Variants in PPM1B observed in about 807,000 individuals in gnomAD.
PPM1B encodes protein phosphatase 1B.
PPM1B carries 22 observed loss-of-function variants against 43.0 expected under a neutral mutation model. The observed-to-expected ratio is 0.51, with a 90% CI of 0.37 to 0.73. The LOEUF (loss-of-function observed/expected upper bound fraction) is 0.73. Ranked by LOEUF, PPM1B falls within the 30% of genes least tolerant of loss-of-function variation. The probability of loss-of-function intolerance (pLI) is 0.00; values close to 1 mark genes in which losing one functional copy is unlikely to be tolerated. For synonymous variants in PPM1B, 217 were observed against 197.9 expected (o/e 1.10, Z -0.81); for missense variants, 632 against 584.2 (o/e 1.08, Z -0.84).
chr2:44,203,063 G>GTATGGGCATAACCAGAAAGT (rs1669013541), intron 2 of PPM1B, among the ~76,000 whole-genome samples: 1 of 152,182 alleles, frequency 6.6e-6, no homozygotes, highest in Admixed American at 6.5e-5. Context: ...ACTGTGGAAG[G>GTATGGGCATAACCAGAAAGT]TATGGGCATA....
chr2:44,240,913 A>C (rs1182532566), intron 5 of PPM1B, among the ~76,000 whole-genome samples: 1 of 146,428 alleles, frequency 6.8e-6, no homozygotes, highest in African/African-American at 2.4e-5. Flanking sequence ...GCAAGTTATA[A>C]GGGGATGTCT....
chr2:44,205,155 GTGAACAA>G (rs568592228), intron 2 of PPM1B, among the ~76,000 whole-genome samples: 90 of 152,214 alleles, frequency 5.9e-4, no homozygotes, highest in South Asian at 5.2e-3. Flanking sequence ...ACTTTCTGAG[GTGAACAA>G]AATAAAAAGT....
intron 3 of PPM1B, among the ~76,000 whole-genome samples, chr2:44,209,777 C>CA (rs533636045): frequency 0.041 from 3,933 of 96,152 alleles, 161 homozygotes; most frequent in African/African-American, 0.11. Context: ...ACTCCGTCTC[C>CA]AAAAAAAAAA....
chr2:44,224,455 C>CA lies in PPM1B; in HGVS notation c.1134+5938dup, dbSNP rs75767532. 3.5e-3 allele frequency among the ~76,000 whole-genome samples: 300 copies of CA among 84,618 alleles called. 2 individuals carry two copies. Among genetic ancestry groups the CA allele is most frequent in the East Asian group, 0.012 (40 of 3,256 alleles). 55.5% of individuals were successfully genotyped at this position (84,618 alleles called of 152,430 possible). A position where few individuals can be genotyped will look rare whatever the true frequency, so the allele number is the denominator to read the frequency against. ...GGGTGACAGAGCAAGACTCCGTCTC[C>CA]AAAAAAAAAAAAAAAAAAAAGAATT... On this transcript the variant is annotated intron_variant, in intron 5 of 5. Coordinates refer to ENST00000282412, the MANE Select transcript of PPM1B (RefSeq NM_002706.6).
chr2:44,203,528 A>G (rs557919384), intron 2 of PPM1B, among the ~76,000 whole-genome samples: 29 of 152,276 alleles, frequency 1.9e-4, no homozygotes, highest in East Asian at 1.5e-3. Flanking sequence ...TGAAGAAAAT[A>G]TAGAGAAACA....
At chr2:44,203,357 T>A (rs1669026083) in intron 2 of PPM1B, among the ~76,000 whole-genome samples, 1 of 152,132 alleles carries the variant, frequency 6.6e-6, no homozygotes, top group Non-Finnish European at 1.5e-5. Flanking sequence ...GGTCTAAAAT[T>A]ATGTATTTGT....
At chr2:44,223,404 A>G (rs917055924) in intron 5 of PPM1B, among the ~76,000 whole-genome samples, 1 of 152,182 alleles carries the variant, frequency 6.6e-6, no homozygotes, top group East Asian at 1.9e-4. Context: ...CAATACCCAT[A>G]GCTGCTTTTA....
At chr2:44,181,927 A>G (rs749488738) in intron 1 of PPM1B, among the ~76,000 whole-genome samples, 4 of 152,208 alleles carry the variant, frequency 2.6e-5, no homozygotes, top group African/African-American at 9.7e-5. Flanking sequence ...TTCAGAGGGT[A>G]CAGAAAAAAG....
intron 5 of PPM1B, among the ~76,000 whole-genome samples, chr2:44,224,703 A>G (rs932054106): frequency 3.2e-5 from 1 of 31,300 alleles, no homozygotes; most frequent in Non-Finnish European, 1.0e-4. Flanking sequence ...AAAAGCTTAA[A>G]AACTAGGGTG....
chr2:44,190,279 C>G (rs1000341596), intron 1 of PPM1B, among the ~76,000 whole-genome samples: 1 of 151,618 alleles, frequency 6.6e-6, no homozygotes, highest in East Asian at 1.9e-4. Context: ...CTCAGCCTCT[C>G]GAGTAGCTGG....
chr2:44,174,873 C>G (rs891818970), intron 1 of PPM1B, among the ~76,000 whole-genome samples: 1 of 152,164 alleles, frequency 6.6e-6, no homozygotes, highest in African/African-American at 2.4e-5. Flanking sequence ...AGTGTTTTTC[C>G]TTTTCCTTGT....
In PPM1B at chr2:44,206,737, T is replaced by TAATATAAA. The variant is rs1274860179; in HGVS notation, c.847-2473_847-2472insAATATAAA. ...TTATGCTTGATTCTTTTTTTGTTGT[T>TAATATAAA]GTGTTTTAGAAAGGGTGTCTCACTG... On this transcript the variant is annotated intron_variant, in intron 2 of 5. Transcript: ENST00000282412. Among the ~76,000 whole-genome samples, 1,127 of 152,270 alleles carry TAATATAAA rather than the reference T, an allele frequency of 7.4e-3. 9 individuals carry two copies. The highest frequency in any genetic ancestry group is 0.021 in the African/African-American group (853 of 41,532).
downstream of PPM1B, chr2:44,232,964 TATTATA>T (rs1670510489): frequency 1.0e-6 from 1 of 979,072 alleles, no homozygotes; most frequent in African/African-American, 1.8e-5. Flanking sequence ...TTGGGAATAA[TATTATA>T]AACCCTTACA....
downstream of PPM1B, among the ~76,000 whole-genome samples, chr2:44,246,921 T>A (rs187529945): frequency 2.7e-3 from 411 of 152,272 alleles, 2 homozygotes; most frequent in African/African-American, 9.3e-3. Context: ...AAAATATTTT[T>A]AAAAATATCC....
intron 5 of PPM1B, chr2:44,244,088 T>A (rs1335614505): frequency 8.9e-6 from 2 of 225,558 alleles, no homozygotes; most frequent in Middle Eastern, 2.3e-3. Context: ...ATTGCTGTGA[T>A]GAGTGAACCC....
chr2:44,233,522 TAATG>T, downstream of PPM1B: 1 of 984,852 alleles, frequency 1.0e-6, no homozygotes, highest in South Asian at 4.7e-5. Flanking sequence ...TTAGGAGAAG[TAATG>T]AATGTATCCA....
At chr2:44,235,197 CCTT>C (rs1320379842), downstream of PPM1B, among the ~76,000 whole-genome samples, 1 of 152,150 alleles carries the variant, frequency 6.6e-6, no homozygotes, top group Admixed American at 6.5e-5. Context: ...TTTGAATGGA[CCTT>C]CTGGCTATGC....
At chr2:44,178,530 C>T (rs1351259119) in intron 1 of PPM1B, among the ~76,000 whole-genome samples, 1 of 149,910 alleles carries the variant, frequency 6.7e-6, no homozygotes, top group East Asian at 2.0e-4. Flanking sequence ...TGCAATGATG[C>T]AATCTTGGCT....
intron 3 of PPM1B, among the ~76,000 whole-genome samples, chr2:44,217,228 C>G (rs186943938): frequency 6.6e-6 from 1 of 151,756 alleles, no homozygotes; most frequent in African/African-American, 2.4e-5. Flanking sequence ...GGAGAAACCC[C>G]ATCTCTACTA....
Sources: gnomAD v4.1 joint callset for allele counts (sites outside exome capture counted in the v4.1 genomes callset) on GRCh38, gnomAD v4.1.1 for gene constraint, MANE v1.5 for transcripts, NCBI Gene and HGNC (gene_info 2026-07-23, HGNC 2026-07-21) for gene names.